The following PROKR1 variants were observed in gnomAD, a reference collection of about 807,000 sequenced individuals.
PROKR1 encodes the protein G protein-coupled receptor 73.
PROKR1 carries 21 observed loss-of-function variants against 22.8 expected under a neutral mutation model. The ratio of observed to expected loss-of-function variants is 0.92; its 90% CI spans 0.65 to 1.32. The LOEUF (loss-of-function observed/expected upper bound fraction) is 1.32. Ranked by LOEUF, PROKR1 falls within the 40% of genes most tolerant of loss-of-function variation. PROKR1 has a pLI of 0.00. For missense variants in PROKR1, 548 were observed against 514.2 expected, an observed-to-expected ratio of 1.07 and a Z score of -0.64; for synonymous variants, 193 against 207.5, an observed-to-expected ratio of 0.93 and a Z score of 0.60.
intron 2 of PROKR1, among the ~76,000 whole-genome samples, chr2:68,650,069 G>A (rs1673280878): frequency 8.2e-6 from 1 of 121,358 alleles, no homozygotes; most frequent in East Asian, 2.7e-4. Context: ...ACTGTTGTGG[G>A]GTGGGGGGAG....
In PROKR1 at chr2:68,655,792, GC is replaced by G. The variant is rs1269479681; in HGVS notation, c.*218del. 4 of 599,024 alleles carry G rather than the reference GC, an allele frequency of 6.7e-6. No homozygotes were observed. The Admixed American group carries it at 1.2e-4, about 17-fold the overall frequency. 37.1% of individuals were successfully genotyped at this position (599,024 alleles called of 1,614,324 possible). A position where few individuals can be genotyped will look rare whatever the true frequency, so the allele number is the denominator to read the frequency against. ...CATTTGCTGAATGTCTAATTTACAC[GC>G]CAGTAGGTACTGGTAAAACCTATAT... On this transcript the variant is annotated 3_prime_UTR_variant, in exon 3 of 3. Coordinates refer to ENST00000303786, the MANE Select transcript of PROKR1 (RefSeq NM_138964.4).
rs765846070 is a variant in PROKR1 at position 68,655,463 on chromosome 2, A to G, written c.1069A>G (p.Met357Val). The G allele has an allele frequency of 3.1e-6, 5 of 1,614,124 alleles. No homozygotes were observed. The East Asian group carries it at 1.1e-4, about 36-fold the overall frequency. The stretch of plus-strand genomic sequence containing the variant: ...CACCGTCAAGTACTTCAAAAAGATC[A>G]TGTTGCTCCACTGGAAGGCTTCTTA... Reference protein sequence around the residue: ...NDTVKYFKKIMLLHWKASYNG... With the variant: ...NDTVKYFKKIVLLHWKASYNG... The change falls in exon 3 of 3, where the codon ATG (methionine) becomes GTG (valine). Residue 357 changes from methionine (M) to valine (V), a missense_variant. Transcript: ENST00000303786.
chr2:68,644,159 A>C (rs368097709), intron 1 of PROKR1, among the ~76,000 whole-genome samples: 27 of 152,258 alleles, frequency 1.8e-4, no homozygotes, highest in African/African-American at 6.3e-4. Context: ...AAAGGAGAAA[A>C]GACCTCTGGA....
At chr2:68,654,731 G>A (rs770342061) in intron 2 of PROKR1, 149 bp from the exon 3 acceptor site, 82 of 747,594 alleles carry the variant, frequency 1.1e-4, no homozygotes, top group Non-Finnish European at 1.6e-4. Flanking sequence ...CTAGGAGTTC[G>A]AGGCTGCAGT....
At position 68,655,867 on chromosome 2, in the gene PROKR1, A is replaced by G. The variant is rs1396693844; in HGVS notation, c.*291A>G. 1 of 450,726 alleles carries G rather than the reference A, an allele frequency of 2.2e-6. No homozygotes were observed. The highest frequency in any genetic ancestry group is 4.1e-6 in the Non-Finnish European group (1 of 243,434). 27.9% of individuals were successfully genotyped at this position (450,726 alleles called of 1,614,324 possible). A position where few individuals can be genotyped will look rare whatever the true frequency, so the allele number is the denominator to read the frequency against. The stretch of plus-strand genomic sequence containing the variant: ...AAATGAAATTGGAATTAAACCAAGG[A>G]AAATGTGGTGGTGTAGATAGAAATA... On this transcript the variant is annotated 3_prime_UTR_variant, in exon 3 of 3. Transcript: ENST00000303786.
Position 68,646,276 on chromosome 2 carries a change from C to A in PROKR1, c.455C>A (p.Thr152Asn). Residue 152 changes from threonine to asparagine, a missense_variant, in exon 2 of 3, where the codon ACC becomes AAC. Coordinates refer to ENST00000303786, the MANE Select transcript of PROKR1 (RefSeq NM_138964.4). ...YLRTVSLYVS[T>N]NALLAIAIDR... Reference sequence around the variant, plus strand: ...CGCACTGTCTCTCTCTATGTCTCCACCAATGCCCTGCTGGCCATCGCCATT... The same window carrying A: ...CGCACTGTCTCTCTCTATGTCTCCAACAATGCCCTGCTGGCCATCGCCATT... 1 of 1,614,228 alleles carries A rather than the reference C, an allele frequency of 6.2e-7. No homozygotes were observed. Among genetic ancestry groups the A allele is most frequent in the South Asian group, 1.1e-5 (1 of 91,088 alleles).
At chr2:68,646,850 C>T (rs866499254) in intron 2 of PROKR1, among the ~76,000 whole-genome samples, 2 of 152,128 alleles carry the variant, frequency 1.3e-5, no homozygotes, top group East Asian at 3.9e-4. Flanking sequence ...GAGTTCGAGA[C>T]CAGCATGGGC....
At chr2:68,649,901 AG>A (rs1673276475) in intron 2 of PROKR1, among the ~76,000 whole-genome samples, 1 of 152,050 alleles carries the variant, frequency 6.6e-6, no homozygotes, top group Non-Finnish European at 1.5e-5. Flanking sequence ...GCCCGAGGGA[AG>A]TAAGCAAGGC....
At position 68,651,382 on chromosome 2, in the gene PROKR1, A is replaced by G. The variant is rs193298477; in HGVS notation, c.486-3498A>G. Among the ~76,000 whole-genome samples the G allele has an allele frequency of 2.5e-3, 382 of 152,238 alleles. 3 individuals are homozygous for G. The highest frequency in any genetic ancestry group is 4.4e-3 in the Non-Finnish European group (300 of 68,004). The stretch of plus-strand genomic sequence containing the variant: ...ATCCTGTCTTTTAAAAAGACAAAAC[A>G]AAACAAAAAAGGATCATGAGAGACC... On this transcript the variant is annotated intron_variant, in intron 2 of 2. Coordinates refer to ENST00000303786, the MANE Select transcript of PROKR1 (RefSeq NM_138964.4).
In PROKR1 at chr2:68,654,902, C is replaced by T. The variant is rs1673408480; in HGVS notation, c.508C>T (p.Leu170=). 2 of 1,613,666 alleles carry T rather than the reference C, an allele frequency of 1.2e-6. No individual in the cohort carries two copies. Among genetic ancestry groups the T allele is most frequent in the African/African-American group, 2.7e-5 (2 of 75,006 alleles). ...IDRYLAIVHP[L]RPRMKCQTAT... ...TAGGTATCTGGCTATTGTCCATCCG[C>T]TGAGACCACGGATGAAGTGCCAAAC... The change falls in exon 3 of 3, where the codon CTG becomes TTG. Residue 170 remains leucine (L), a synonymous_variant. Coordinates refer to ENST00000303786, the MANE Select transcript of PROKR1 (RefSeq NM_138964.4).
rs1442498583 is a variant in PROKR1 at position 68,655,720 on chromosome 2, A to G, written c.*144A>G. On this transcript the variant is annotated 3_prime_UTR_variant, in exon 3 of 3. Transcript: ENST00000303786. ...CACTCTGTGAGCAATGTTTTCAAGGAGCTCAGAGTTTCTAAAATGCATGTG... is the reference window on the plus strand; with the variant it reads ...CACTCTGTGAGCAATGTTTTCAAGGGGCTCAGAGTTTCTAAAATGCATGTG... 1.6e-5 allele frequency: 13 copies of G among 789,976 alleles called. No individual in the cohort carries two copies. Among genetic ancestry groups the G allele is most frequent in the Non-Finnish European group, 4.1e-6 (2 of 484,652 alleles). The allele number at this position is 789,976 out of a possible 1,614,324, so 48.9% of individuals were successfully genotyped here.
intron 2 of PROKR1, among the ~76,000 whole-genome samples, chr2:68,646,914 G>T (rs760771061): frequency 6.6e-6 from 1 of 152,082 alleles, no homozygotes; most frequent in Non-Finnish European, 1.5e-5. Flanking sequence ...TGAGCGTGGT[G>T]GTGTGTGCCT....
At position 68,655,164 on chromosome 2, in the gene PROKR1, G is replaced by A. The variant is rs763039330; in HGVS notation, c.770G>A (p.Arg257Gln). The A allele has an allele frequency of 3.1e-6, 5 of 1,614,178 alleles. No homozygotes were observed. Among genetic ancestry groups the A allele is most frequent in the Admixed American group, 1.7e-5 (1 of 60,020 alleles). The change falls in exon 3 of 3, where the codon CGG (arginine) becomes CAG (glutamine). Residue 257 changes from arginine (R) to glutamine (Q), a missense_variant. Transcript: ENST00000303786. ...TMTLCYARIS[R>Q]ELWFKAVPGF... The stretch of plus-strand genomic sequence containing the variant: ...ACCCTGTGCTATGCCAGGATCTCCC[G>A]GGAGCTCTGGTTCAAGGCGGTCCCT...
At chr2:68,651,450 C>T (rs908146499) in intron 2 of PROKR1, among the ~76,000 whole-genome samples, 1 of 152,226 alleles carries the variant, frequency 6.6e-6, no homozygotes, top group Non-Finnish European at 1.5e-5. Flanking sequence ...GATGTGGAGA[C>T]ACTAAGATCC....
Position 68,645,852 on chromosome 2 carries a change from A to C in PROKR1, c.31A>C (p.Asn11His). The C allele has an allele frequency of 1.2e-6, 2 of 1,614,200 alleles. No individual in the cohort carries two copies. The highest frequency in any genetic ancestry group is 2.2e-5 in the East Asian group (1 of 44,888). The change falls in exon 2 of 3, where the codon AAT becomes CAT. Residue 11 changes from asparagine to histidine, a missense_variant. By Grantham distance (68) the Asn-to-His change is moderately conservative. Transcript: ENST00000303786. METTMGFMDDNATNTSTSFLS... is the reference protein window; with the variant it reads METTMGFMDDHATNTSTSFLS... ...GACCACCATGGGGTTCATGGATGAC[A>C]ATGCCACCAACACTTCCACCAGCTT...
At chr2:68,643,875 A>G (rs2104176301) in intron 1 of PROKR1, 27 bp downstream of exon 1, 1 of 152,332 alleles carries the variant, frequency 6.6e-6, no homozygotes, top group South Asian at 2.1e-4. Context: ...CCCGGGGAGG[A>G]TGCTCCAGGG....
chr2:68,658,210 G>A lies in PROKR1; in HGVS notation c.*2634G>A, dbSNP rs920998135. The A allele has an allele frequency of 1.3e-5, 2 of 152,172 alleles. No homozygotes were observed. Among genetic ancestry groups the A allele is most frequent in the Non-Finnish European group, 2.9e-5 (2 of 68,038 alleles). 9.4% of individuals were successfully genotyped at this position (152,172 alleles called of 1,614,324 possible). On this transcript the variant is annotated 3_prime_UTR_variant, in exon 3 of 3. Coordinates refer to ENST00000303786, the MANE Select transcript of PROKR1 (RefSeq NM_138964.4). ...ATTTTGTAGTGAATGAGGGTGTTGT[G>A]TTGTTATCAAGTGAAATGAAAATAC...
rs1256376689 is a variant in PROKR1 at position 68,655,591 on chromosome 2, C to T, written c.*15C>T. The T allele has an allele frequency of 1.2e-6, 2 of 1,610,438 alleles. No individual in the cohort carries two copies. Among genetic ancestry groups the T allele is most frequent in the Non-Finnish European group, 1.7e-6 (2 of 1,177,934 alleles). The stretch of plus-strand genomic sequence containing the variant: ...GACTAAAATAACCCCCTGGACTTTG[C>T]AAAGTTTAAACACAAAGCAGGGTCC... On this transcript the variant is annotated 3_prime_UTR_variant, in exon 3 of 3. Transcript: ENST00000303786.
chr2:68,648,100 T>C (rs1337483281), intron 2 of PROKR1, among the ~76,000 whole-genome samples: 1 of 152,152 alleles, frequency 6.6e-6, no homozygotes, highest in Non-Finnish European at 1.5e-5. Flanking sequence ...AGCGAGAAAC[T>C]ACATGTGCTC....
Sources: gnomAD v4.1 joint callset for allele counts (sites outside exome capture counted in the v4.1 genomes callset) on GRCh38, gnomAD v4.1.1 for gene constraint, MANE v1.5 for transcripts, NCBI Gene and HGNC (gene_info 2026-07-23, HGNC 2026-07-21) for gene names.